Variants in PKHD1L1 observed in about 807,000 individuals in gnomAD.
PKHD1L1 encodes the protein fibrocystin-L.
A neutral mutation model predicts 462.9 loss-of-function variants in PKHD1L1; 434 were observed. That is an observed-to-expected ratio of 0.94 (90% CI 0.87 to 1.02). PKHD1L1 has a LOEUF of 1.02. Ranked by LOEUF, PKHD1L1 falls within the 50% of genes least tolerant of loss-of-function variation. PKHD1L1 has a pLI of 0.00. For missense variants in PKHD1L1, 5,202 were observed against 5,096.1 expected (o/e 1.02, Z -0.63); for synonymous variants, 1,781 against 1,750.0 (o/e 1.02, Z -0.44).
chr8:109,502,402 G>A (rs978574573), intron 67 of PKHD1L1, among the ~76,000 whole-genome samples: 13 of 152,182 alleles, frequency 8.5e-5, no homozygotes, highest in African/African-American at 2.7e-4. Flanking sequence ...AGCAGAGCAG[G>A]AAGTTACTTT....
At position 109,390,168 on chromosome 8, in the gene PKHD1L1, G is replaced by A. The variant is rs77074026; in HGVS notation, c.698-284G>A. On this transcript the variant is annotated intron_variant, in intron 8 of 77. Transcript: ENST00000378402. ...GTTAAATAAATAAAAGAAATTTCAG[G>A]GCAATATGGTTACATATCTGTTCTT... Among the ~76,000 whole-genome samples, 546 of 151,904 alleles carry A rather than the reference G, an allele frequency of 3.6e-3. 3 individuals carry two copies. Among genetic ancestry groups the A allele is most frequent in the Non-Finnish European group, 6.0e-3 (409 of 67,952 alleles).
At chr8:109,437,494 TC>T (rs1259331543) in intron 30 of PKHD1L1, among the ~76,000 whole-genome samples, 2 of 81,552 alleles carry the variant, frequency 2.5e-5, no homozygotes, top group African/African-American at 9.9e-5. Flanking sequence ...CCCTCCCCCC[TC>T]CCCCCACCCC....
intron 70 of PKHD1L1, among the ~76,000 whole-genome samples, chr8:109,509,261 CA>C (rs1490885858): frequency 6.6e-6 from 1 of 151,924 alleles, no homozygotes; most frequent in East Asian, 1.9e-4. Flanking sequence ...TTGTATGAAG[CA>C]GAGATCATGA....
chr8:109,493,174 C>CAT (rs34668259), intron 62 of PKHD1L1, among the ~76,000 whole-genome samples: 7,153 of 147,242 alleles, frequency 0.049, 336 homozygotes, highest in Admixed American at 0.16. Context: ...TCTCTCTCTC[C>CAT]ATATATATAT....
chr8:109,412,247 ATAT>A lies in PKHD1L1; in HGVS notation c.2086-13_2086-11del, dbSNP rs1180990243. 1.2e-6 allele frequency: 2 copies of A among 1,611,164 alleles called. No individual in the cohort carries two copies. The highest frequency in any genetic ancestry group is 3.4e-5 in the Admixed American group (2 of 59,588). On this transcript the variant is annotated splice_polypyrimidine_tract_variant and intron_variant, in intron 19 of 77. Coordinates refer to ENST00000378402, the MANE Select transcript of PKHD1L1 (RefSeq NM_177531.6). ...ACAATAAATCATGTTTTCATTTGAA[ATAT>A]TATTGTTTCGGTAGGAACATATTAA...
At position 109,485,047 on chromosome 8, in the gene PKHD1L1, G is replaced by A; in HGVS notation, c.9580G>A (p.Gly3194Arg). The change falls in exon 58 of 78, where the codon GGA becomes AGA. Residue 3194 changes from glycine to arginine, a missense_variant. Transcript: ENST00000378402. Reference protein sequence around the residue: ...SLMDAVDWQEGEEIVITTTSY... With the variant: ...SLMDAVDWQEREEIVITTTSY... ...TTGGCACTTGAATTTTTCTAAGGAG[G>A]GAGAAGAGATTGTGATAACAACCAC... The A allele has an allele frequency of 1.3e-6, 2 of 1,584,732 alleles. No homozygotes were observed. Among genetic ancestry groups the A allele is most frequent in the Non-Finnish European group, 1.7e-6 (2 of 1,167,450 alleles).
At chr8:109,509,562 A>G (rs1374146281) in intron 70 of PKHD1L1, among the ~76,000 whole-genome samples, 1 of 150,750 alleles carries the variant, frequency 6.6e-6, no homozygotes, top group Non-Finnish European at 1.5e-5. Flanking sequence ...GCTATACTAG[A>G]TGGGAAAAAA....
At chr8:109,492,325 T>C (rs1030029014) in intron 62 of PKHD1L1, among the ~76,000 whole-genome samples, 5 of 151,824 alleles carry the variant, frequency 3.3e-5, no homozygotes, top group Non-Finnish European at 7.4e-5. Flanking sequence ...AATTATTTTC[T>C]CATCTAAAAT....
chr8:109,501,838 G>A (rs1291565639), intron 67 of PKHD1L1, among the ~76,000 whole-genome samples: 1 of 152,016 alleles, frequency 6.6e-6, no homozygotes, highest in Non-Finnish European at 1.5e-5. Flanking sequence ...GTGGGAAATA[G>A]CATGCCTTTT....
rs1432854137 is a variant in PKHD1L1 at position 109,518,418 on chromosome 8, A to G, written c.11941A>G (p.Lys3981Glu). The part of the protein sequence containing the change: ...DKIRISKIRG[K>E]SLRRKRSMGF... ...AATCCGTATCAGCAAAATAAGAGGGAAGAGTCTGAGGAGGAAGAGATCCAT... is the reference window on the plus strand; with the variant it reads ...AATCCGTATCAGCAAAATAAGAGGGGAGAGTCTGAGGAGGAAGAGATCCAT... The change falls in exon 73 of 78, where the codon AAG (lysine) becomes GAG (glutamate). Residue 3981 changes from lysine to glutamate, a missense_variant. Lys to Glu is a moderately conservative substitution (Grantham distance 56, BLOSUM62 1). Around this residue, in one of 3 missense-constraint regions of PKHD1L1, gnomAD observed 698 missense variants for 736.3 expected, o/e 0.95. Coordinates refer to ENST00000378402, the MANE Select transcript of PKHD1L1 (RefSeq NM_177531.6). 6.2e-7 allele frequency: 1 copy of G among 1,612,818 alleles called. No homozygotes were observed. The highest frequency in any genetic ancestry group is 8.5e-7 in the Non-Finnish European group (1 of 1,179,604).
rs755714737 is a variant in PKHD1L1, at chr8:109,400,374, C to T, written c.1281+30C>T. 3.2e-6 allele frequency: 5 copies of T among 1,583,504 alleles called. No homozygotes were observed. The Admixed American group carries it at 8.8e-5, about 28-fold the overall frequency. On this transcript the variant is annotated intron_variant, in intron 13 of 77. Transcript: ENST00000378402. ...GGAAGCCTCAGAATACTATTTGATA[C>T]TGTAAAAACATTATGGTGATATTTA...
intron 5 of PKHD1L1, among the ~76,000 whole-genome samples, chr8:109,384,772 T>C (rs1812346269): frequency 6.6e-6 from 1 of 152,160 alleles, no homozygotes. Flanking sequence ...ACAGTAGTTT[T>C]AAATTTTTTT....
At chr8:109,425,266 C>T (rs377056927) in intron 24 of PKHD1L1, 34 bp downstream of exon 24, 52 of 1,512,440 alleles carry the variant, frequency 3.4e-5, no homozygotes, top group Admixed American at 8.9e-5. Context: ...TTGGTGTATA[C>T]GCACACACAT....
Position 109,530,061 on chromosome 8 carries a change from T to C in PKHD1L1, c.12722-19T>C. 5 of 1,327,434 alleles carry C rather than the reference T, an allele frequency of 3.8e-6. No homozygotes were observed. Among genetic ancestry groups the C allele is most frequent in the Non-Finnish European group, 5.0e-6 (5 of 1,008,612 alleles). The allele number at this position is 1,327,434 out of a possible 1,614,324, so 82.2% of individuals were successfully genotyped here. ...CTATTTCTACTTAAAAATTGTTTTGTATTGTTTCCATTTTTCAGGAAGCTA... is the reference window on the plus strand; with the variant it reads ...CTATTTCTACTTAAAAATTGTTTTGCATTGTTTCCATTTTTCAGGAAGCTA... On this transcript the variant is annotated intron_variant, in intron 77 of 77. Transcript: ENST00000378402.
Position 109,427,124 on chromosome 8 carries a change from A to G in PKHD1L1, c.2968A>G (p.Arg990Gly). 1 of 1,613,874 alleles carries G rather than the reference A, an allele frequency of 6.2e-7. No individual in the cohort carries two copies. Among genetic ancestry groups the G allele is most frequent in the Non-Finnish European group, 8.5e-7 (1 of 1,179,820 alleles). ...TGGCTACGCGTGGAACATCAAATGGAGAAGCACCTGCGGAAAGCAGAATCT... is the reference window on the plus strand; with the variant it reads ...TGGCTACGCGTGGAACATCAAATGGGGAAGCACCTGCGGAAAGCAGAATCT... ...CAGYAWNIKW[R>G]STCGKQNLLQ... The change falls in exon 25 of 78, where the codon AGA becomes GGA. Residue 990 changes from arginine to glycine, a missense_variant. Physicochemically the swap from Arg to Gly is moderately radical, Grantham distance 125 (BLOSUM62 -2). Around this residue, in one of 3 missense-constraint regions of PKHD1L1, gnomAD observed 4,497 missense variants for 4,336.8 expected, o/e 1.04. Coordinates refer to ENST00000378402, the MANE Select transcript of PKHD1L1 (RefSeq NM_177531.6).
At chr8:109,463,151 T>A (rs1372335443) in intron 48 of PKHD1L1, among the ~76,000 whole-genome samples, 1 of 152,162 alleles carries the variant, frequency 6.6e-6, no homozygotes, top group Non-Finnish European at 1.5e-5. Flanking sequence ...TCTCAGTTGA[T>A]TATAAATTAA....
intron 50 of PKHD1L1, among the ~76,000 whole-genome samples, chr8:109,473,875 C>G (rs533304109): frequency 6.6e-6 from 1 of 152,240 alleles, no homozygotes; most frequent in South Asian, 2.1e-4. Flanking sequence ...AGGCTCTTCT[C>G]TTTGTGAAGA....
intron 73 of PKHD1L1, 71 bp downstream of exon 73, chr8:109,518,579 G>A (rs1820395195): frequency 7.7e-7 from 1 of 1,297,316 alleles, no homozygotes; most frequent in Non-Finnish European, 1.0e-6. Flanking sequence ...ACCTGATCAG[G>A]GCTTGGTGAG....
chr8:109,537,200 A>T lies in PKHD1L1; in HGVS notation c.*7110A>T, dbSNP rs1179439184. Among the ~76,000 whole-genome samples the T allele has an allele frequency of 1.3e-5, 2 of 152,240 alleles. No individual in the cohort carries two copies. Among genetic ancestry groups the T allele is most frequent in the Non-Finnish European group, 2.9e-5 (2 of 68,034 alleles). ...GCTGCTCATTAATAAAAAGCCATTA[A>T]AGTCCAAGTCAGAACAGCAGGTCTA... On this transcript the variant is annotated 3_prime_UTR_variant, in exon 78 of 78. Transcript: ENST00000378402.
Sources: gnomAD v4.1 joint callset for allele counts (sites outside exome capture counted in the v4.1 genomes callset) on GRCh38, gnomAD v4.1.1 for gene constraint, gnomAD v4.1.1 regional missense constraint, MANE v1.5 for transcripts, NCBI Gene and HGNC (gene_info 2026-07-23, HGNC 2026-07-21) for gene names.